The following GAN variants were observed in gnomAD, a reference collection of about 807,000 sequenced individuals.
GAN encodes gigaxonin, also known as epididymis secretory sperm binding protein.
In GAN, 48 loss-of-function variants were observed where a neutral mutation model predicts 71.3. The observed-to-expected ratio is 0.67, with a 90% CI of 0.53 to 0.86. GAN has a LOEUF of 0.86. GAN is among the 40% of genes least tolerant of loss of function. GAN has a pLI of 0.00. For missense variants in GAN, 928 were observed against 770.1 expected (o/e 1.21, Z -2.43); for synonymous variants, 386 against 276.8 (o/e 1.39, Z -3.92).
In GAN at chr16:81,362,576, G is replaced by T. The variant is rs755366433; in HGVS notation, c.1051G>T (p.Ala351Ser). ...LSSGEKYDPD[A>S]NTWTALPPMN... ...CTCAGGAGAAAAGTATGATCCAGAT[G>T]CAAATACATGGACAGCATTGCCACC... The change falls in exon 6 of 11, where the codon GCA becomes TCA. Residue 351 changes from alanine to serine, a missense_variant. Transcript: ENST00000648994. 1.9e-6 allele frequency: 3 copies of T among 1,599,478 alleles called. No individual in the cohort carries two copies. In the Admixed American group the frequency reaches 5.0e-5, roughly 27 times the overall value.
intron 9 of GAN, among the ~76,000 whole-genome samples, chr16:81,368,487 G>C (rs1006472633): frequency 3.3e-5 from 5 of 152,126 alleles, no homozygotes; most frequent in African/African-American, 1.2e-4. Flanking sequence ...CACGCCTGTG[G>C]TCCCAGCTAC....
At chr16:81,330,601 T>C (rs1180113452) in intron 1 of GAN, among the ~76,000 whole-genome samples, 3 of 152,220 alleles carry the variant, frequency 2.0e-5, no homozygotes, top group Non-Finnish European at 2.9e-5. Flanking sequence ...AATTCGTATA[T>C]GTAGAAGAAA....
intron 1 of GAN, among the ~76,000 whole-genome samples, chr16:81,342,147 C>T (rs533170381): frequency 6.6e-6 from 1 of 152,160 alleles, no homozygotes; most frequent in Admixed American, 6.5e-5. Flanking sequence ...TTCTTAGAGA[C>T]CTACAAAGAG....
intron 2 of GAN, among the ~76,000 whole-genome samples, chr16:81,353,859 C>G (rs1011432899): frequency 6.6e-6 from 1 of 152,044 alleles, no homozygotes; most frequent in African/African-American, 2.4e-5. Flanking sequence ...GTGTATCTGT[C>G]TGTGTACCAA....
intron 6 of GAN, among the ~76,000 whole-genome samples, chr16:81,363,238 A>G (rs867800240): frequency 6.6e-6 from 1 of 152,120 alleles, no homozygotes; most frequent in African/African-American, 2.4e-5. Context: ...TTATGCAAAA[A>G]TAATTGTATT....
chr16:81,336,668 A>T (rs1488284219), intron 1 of GAN, among the ~76,000 whole-genome samples: 1 of 148,058 alleles, frequency 6.8e-6, no homozygotes, highest in Non-Finnish European at 1.5e-5. Context: ...TGTAGAGAGG[A>T]GGTCTCACTC....
At chr16:81,352,589 C>T (rs1910335847) in intron 2 of GAN, among the ~76,000 whole-genome samples, 1 of 152,074 alleles carries the variant, frequency 6.6e-6, no homozygotes, top group Admixed American at 6.6e-5. Context: ...TCTGTAGGGG[C>T]TGTTTGTCTT....
At position 81,356,872 on chromosome 16, in the gene GAN, G is replaced by T. The variant is rs1447397305; in HGVS notation, c.721G>T (p.Val241Leu). 6.2e-7 allele frequency: 1 copy of T among 1,613,658 alleles called. No homozygotes were observed. The highest frequency in any genetic ancestry group is 1.3e-5 in the African/African-American group (1 of 74,914). ...LREQMLNEPLVREIVKECSNI... is the reference protein window; with the variant it reads ...LREQMLNEPLLREIVKECSNI... ...GGAACAGATGCTGAATGAACCATTA[G>T]TACGAGAAATTGTCAAAGAGTGTAG... Residue 241 changes from valine to leucine, a missense_variant, in exon 4 of 11, where the codon GTA becomes TTA. Physicochemically the swap from Val to Leu is conservative, Grantham distance 32. Transcript: ENST00000648994.
intron 1 of GAN, among the ~76,000 whole-genome samples, chr16:81,320,332 G>GC (rs1477935468): frequency 3.9e-5 from 6 of 152,188 alleles, no homozygotes; most frequent in African/African-American, 1.4e-4. Flanking sequence ...TGTGTGCAGA[G>GC]CCTGCTTTTC....
chr16:81,365,144 C>G, intron 8 of GAN, 34 bp downstream of exon 8: 1 of 1,609,054 alleles, frequency 6.2e-7, no homozygotes, highest in Non-Finnish European at 8.5e-7. Flanking sequence ...TGTAGATTCC[C>G]TTGCTGTTCA....
intron 1 of GAN, among the ~76,000 whole-genome samples, chr16:81,332,312 A>C (rs1301871268): frequency 6.6e-6 from 1 of 152,208 alleles, no homozygotes; most frequent in Non-Finnish European, 1.5e-5. Context: ...GTGGGGTTGC[A>C]GCAGGCAGTT....
chr16:81,377,332 A>G lies in GAN; in HGVS notation c.1612+4A>G, dbSNP rs376218401. 18 of 1,576,622 alleles carry G rather than the reference A, an allele frequency of 1.1e-5. No homozygotes were observed. The highest frequency in any genetic ancestry group is 1.6e-5 in the Non-Finnish European group (18 of 1,145,848). ...GTTATTGGAGATCTTGATACAGGTA[A>G]GAGTGTTACAGTGATTTTCTTGGAA... On this transcript the variant is annotated splice_donor_region_variant and intron_variant, in intron 10 of 10. Transcript: ENST00000648994.
intron 5 of GAN, among the ~76,000 whole-genome samples, chr16:81,358,468 G>T (rs1041509901): frequency 6.6e-6 from 1 of 152,006 alleles, no homozygotes; most frequent in Admixed American, 6.6e-5. Context: ...AATTAGCCAG[G>T]CATAGTGGCA....
At chr16:81,329,233 C>G (rs962662323) in intron 1 of GAN, among the ~76,000 whole-genome samples, 1 of 151,824 alleles carries the variant, frequency 6.6e-6, no homozygotes, top group African/African-American at 2.4e-5. Context: ...GTCTGCTCAT[C>G]TTTTCCAGTG....
At chr16:81,361,758 G>T (rs960781236) in intron 5 of GAN, among the ~76,000 whole-genome samples, 21 of 152,138 alleles carry the variant, frequency 1.4e-4, no homozygotes, top group African/African-American at 4.3e-4. Flanking sequence ...ACAATGGCAT[G>T]ATCACAGCCC....
In GAN at chr16:81,386,417, G is replaced by A. The variant is rs1440088539; in HGVS notation, c.*8821G>A. On this transcript the variant is annotated 3_prime_UTR_variant, in exon 11 of 11. Coordinates refer to ENST00000648994, the MANE Select transcript of GAN (RefSeq NM_022041.4). ...ATGTGTTACAAGTACTTGTGTGTAC[G>A]TGCATGTGTGTTTGTGCATGTGTCT... The A allele has an allele frequency of 2.6e-5, 4 of 152,130 alleles. No homozygotes were observed. Among genetic ancestry groups the A allele is most frequent in the Admixed American group, 6.5e-5 (1 of 15,278 alleles). The allele number at this position is 152,130 out of a possible 1,614,324, so 9.4% of individuals were successfully genotyped here.
intron 1 of GAN, among the ~76,000 whole-genome samples, chr16:81,345,350 C>G (rs559491161): frequency 3.9e-5 from 6 of 152,212 alleles, no homozygotes; most frequent in South Asian, 2.1e-4. Context: ...TGGAACCAAC[C>G]CAAATGTCCA....
intron 1 of GAN, among the ~76,000 whole-genome samples, chr16:81,335,841 A>G (rs976122377): frequency 4.6e-5 from 7 of 152,000 alleles, no homozygotes; most frequent in African/African-American, 1.4e-4. Flanking sequence ...ACCGTAATCT[A>G]GGTAAAAAGA....
chr16:81,365,290 C>T (rs1005694749), intron 8 of GAN, 60 bp from the exon 9 acceptor site: 39 of 1,610,176 alleles, frequency 2.4e-5, no homozygotes, highest in East Asian at 1.8e-4. Flanking sequence ...AAGAGGAACG[C>T]GGGAGTGAGA....
Sources: gnomAD v4.1 joint callset for allele counts (sites outside exome capture counted in the v4.1 genomes callset) on GRCh38, gnomAD v4.1.1 for gene constraint, MANE v1.5 for transcripts, NCBI Gene and HGNC (gene_info 2026-07-23, HGNC 2026-07-21) for gene names.